Variants in VOPP1 observed in about 807,000 individuals in gnomAD.
VOPP1 encodes the protein VOPP1 WW domain binding protein.
In VOPP1, 8 loss-of-function variants were observed where a neutral mutation model predicts 23.5. The observed-to-expected ratio is 0.34, with a 90% CI of 0.20 to 0.61. The LOEUF (loss-of-function observed/expected upper bound fraction) is 0.61. VOPP1 is among the 20% of genes least tolerant of loss of function. The pLI is 0.78. For synonymous variants in VOPP1, 83 were observed against 97.3 expected (o/e 0.85, Z 0.86); for missense variants, 174 against 238.1 (o/e 0.73, Z 1.77).
intron 1 of VOPP1, among the ~76,000 whole-genome samples, chr7:55,543,700 GT>G (rs34519358): frequency 0.094 from 13,726 of 145,922 alleles, 844 homozygotes; most frequent in East Asian, 0.27. Flanking sequence ...CATTTACATG[GT>G]TTTTTTTTTT....
intron 1 of VOPP1, 38 bp downstream of exon 1, chr7:55,572,233 C>A: frequency 6.7e-7 from 1 of 1,492,168 alleles, no homozygotes; most frequent in Non-Finnish European, 8.9e-7. Context: ...GCATGGTGGG[C>A]GCCGCGCCTC....
intron 1 of VOPP1, among the ~76,000 whole-genome samples, chr7:55,537,103 G>C (rs528890582): frequency 3.9e-5 from 6 of 152,108 alleles, no homozygotes; most frequent in Non-Finnish European, 8.8e-5. Context: ...AAGATCTCTC[G>C]GCCTGACCTG....
intron 2 of VOPP1, among the ~76,000 whole-genome samples, chr7:55,498,874 G>A (rs1186269905): frequency 6.6e-6 from 1 of 152,172 alleles, no homozygotes; most frequent in East Asian, 1.9e-4. Flanking sequence ...CCCTGGTTGT[G>A]CACCCAGTAG....
chr7:55,513,582 T>A (rs150390610), intron 2 of VOPP1, among the ~76,000 whole-genome samples: 1,672 of 152,286 alleles, frequency 0.011, 11 homozygotes, highest in Middle Eastern at 0.02. Context: ...GCCCCATCCA[T>A]GTGACAGCCA....
chr7:55,501,400 C>T (rs1794357276), intron 2 of VOPP1, among the ~76,000 whole-genome samples: 1 of 152,152 alleles, frequency 6.6e-6, no homozygotes, highest in South Asian at 2.1e-4. Context: ...CAGGGAAGCC[C>T]CAAGTTAAAA....
intron 1 of VOPP1, chr7:55,521,503 T>C: frequency 1.9e-6 from 2 of 1,029,392 alleles, no homozygotes; most frequent in African/African-American, 1.7e-5. Context: ...ATTTCTGTTT[T>C]AGAGAGACAT....
chr7:55,514,735 G>A (rs1795293489), intron 2 of VOPP1, among the ~76,000 whole-genome samples: 1 of 152,198 alleles, frequency 6.6e-6, no homozygotes, highest in South Asian at 2.1e-4. Context: ...GCTCTCTGGA[G>A]ATGACACCGC....
intron 4 of VOPP1, among the ~76,000 whole-genome samples, chr7:55,451,010 T>C (rs1397697139): frequency 6.6e-6 from 1 of 152,226 alleles, no homozygotes; most frequent in Non-Finnish European, 1.5e-5. Flanking sequence ...AACATACATC[T>C]TTTTTTGTAA....
intron 4 of VOPP1, among the ~76,000 whole-genome samples, chr7:55,464,125 G>A (rs1029045243): frequency 6.6e-6 from 1 of 152,136 alleles, no homozygotes; most frequent in African/African-American, 2.4e-5. Context: ...GGTATGTCTG[G>A]GTACCAGCAG....
intron 4 of VOPP1, among the ~76,000 whole-genome samples, chr7:55,449,497 G>C (rs374578373): frequency 1.3e-5 from 2 of 152,202 alleles, no homozygotes; most frequent in South Asian, 2.1e-4. Context: ...ACGCCGGGGT[G>C]GGGGGCCGGT....
At chr7:55,501,904 A>G (rs1794395708) in intron 2 of VOPP1, among the ~76,000 whole-genome samples, 1 of 152,260 alleles carries the variant, frequency 6.6e-6, no homozygotes, top group Non-Finnish European at 1.5e-5. Flanking sequence ...TTTACTCCAG[A>G]CTGTAACAGC....
chr7:55,558,845 A>G (rs777104261), intron 1 of VOPP1, among the ~76,000 whole-genome samples: 2 of 152,204 alleles, frequency 1.3e-5, no homozygotes, highest in Non-Finnish European at 2.9e-5. Context: ...ACAAAGAGCT[A>G]TTTTAGTGTT....
intron 1 of VOPP1, among the ~76,000 whole-genome samples, chr7:55,566,024 G>A (rs989664852): frequency 2.0e-5 from 3 of 152,134 alleles, no homozygotes; most frequent in African/African-American, 7.2e-5. Context: ...ACCACACACA[G>A]ACAGCAAACA....
At chr7:55,481,821 G>A (rs946423170) in intron 4 of VOPP1, among the ~76,000 whole-genome samples, 1 of 152,176 alleles carries the variant, frequency 6.6e-6, no homozygotes, top group African/African-American at 2.4e-5. Context: ...AGAGAACTGA[G>A]CAACTTTCCG....
intron 3 of VOPP1, 51 bp downstream of exon 3, chr7:55,497,562 G>C (rs1033052434): frequency 3.5e-5 from 48 of 1,391,232 alleles, no homozygotes; most frequent in East Asian, 2.0e-4. Context: ...GATGGGGGGG[G>C]GGGGGGGGCA....
intron 1 of VOPP1, among the ~76,000 whole-genome samples, chr7:55,525,939 CA>C (rs1397501693): frequency 6.6e-6 from 1 of 152,056 alleles, no homozygotes; most frequent in Non-Finnish European, 1.5e-5. Context: ...AAGGATCAAC[CA>C]TCTCTGGAAA....
chr7:55,562,153 C>T, intron 1 of VOPP1: 1 of 694,182 alleles, frequency 1.4e-6, no homozygotes, highest in Non-Finnish European at 2.6e-6. Context: ...GCAAGGAGGT[C>T]TCTGTAGATA....
chr7:55,475,603 A>T (rs1233014311), intron 4 of VOPP1, among the ~76,000 whole-genome samples: 1 of 152,176 alleles, frequency 6.6e-6, no homozygotes. Flanking sequence ...CAGAGGTGAC[A>T]GCCAGGAGCA....
intron 2 of VOPP1, among the ~76,000 whole-genome samples, chr7:55,497,900 C>T (rs907225002): frequency 3.9e-5 from 6 of 152,228 alleles, no homozygotes; most frequent in African/African-American, 7.2e-5. Context: ...GAGGTGGGCA[C>T]AGTCAGGGTG....
Sources: gnomAD v4.1 joint callset for allele counts (sites outside exome capture counted in the v4.1 genomes callset) on GRCh38, gnomAD v4.1.1 for gene constraint, MANE v1.5 for transcripts, NCBI Gene and HGNC (gene_info 2026-07-23, HGNC 2026-07-21) for gene names.